Variants in C21orf58 observed in about 807,000 individuals in gnomAD.
C21orf58 encodes the protein uncharacterized protein C21orf58.
C21orf58 carries 34 observed loss-of-function variants against 35.8 expected under a neutral mutation model. The ratio of observed to expected loss-of-function variants is 0.95; its 90% CI spans 0.72 to 1.26. The LOEUF is 1.26. Ranked by LOEUF, C21orf58 falls within the 50% of genes most tolerant of loss-of-function variation. The pLI, the probability that C21orf58 is intolerant of heterozygous loss-of-function variation, is 0.00. For synonymous variants in C21orf58, 191 were observed against 175.8 expected (o/e 1.09, Z -0.68); for missense variants, 440 against 414.3 (o/e 1.06, Z -0.54).
rs1215745512 is a variant in C21orf58, at chr21:46,302,511, G to T, written c.787C>A (p.Leu263Ile). The change falls in exon 7 of 8, where the codon CTC (leucine) becomes ATC (isoleucine). Residue 263 changes from leucine (L) to isoleucine (I), a missense_variant. By Grantham distance (5) the Leu-to-Ile change is conservative. Transcript: ENST00000291691. ...TGCAGGGCTGGGGGCAGGGCCTTGA[G>T]CATCCAGTTCTGCAGGACCAACTGG... ...VHQLVLQNWM[L>I]KALPPALQDP... 9 of 1,612,086 alleles carry T rather than the reference G, an allele frequency of 5.6e-6. No homozygotes were observed. The South Asian group carries it at 9.9e-5, about 18-fold the overall frequency.
chr21:46,310,363 C>T (rs1343859438), intron 6 of C21orf58, among the ~76,000 whole-genome samples: 1 of 151,842 alleles, frequency 6.6e-6, no homozygotes, highest in Non-Finnish European at 1.5e-5. Context: ...CCAGTAATCC[C>T]AGCTACTCGA....
rs988119463 is a variant in C21orf58 at position 46,313,755 on chromosome 21, C to T, written c.609+961G>A. Reference sequence around the variant, plus strand: ...GGGTCTGGGGCAGGTCCTTCGGAGGCTCCCCTTCCCTCTGTACCCTCCACC... The same window carrying T: ...GGGTCTGGGGCAGGTCCTTCGGAGGTTCCCCTTCCCTCTGTACCCTCCACC... On this transcript the variant is annotated intron_variant, in intron 5 of 7. Transcript: ENST00000291691. Among the ~76,000 whole-genome samples, 3 of 152,186 alleles carry T rather than the reference C, an allele frequency of 2.0e-5. No homozygotes were observed. In the East Asian group the frequency reaches 5.8e-4, roughly 29 times the overall value.
intron 5 of C21orf58, among the ~76,000 whole-genome samples, chr21:46,313,591 G>A (rs1265080675): frequency 6.6e-6 from 1 of 152,220 alleles, no homozygotes; most frequent in African/African-American, 2.4e-5. Flanking sequence ...ATGTGTTTGG[G>A]ATGAGGAAGA....
chr21:46,321,154 G>A (rs139877350), intron 1 of C21orf58, among the ~76,000 whole-genome samples: 2,138 of 151,964 alleles, frequency 0.014, 49 homozygotes, highest in African/African-American at 0.048. Flanking sequence ...ACCTTAGTGT[G>A]CTACATATGT....
intron 6 of C21orf58, among the ~76,000 whole-genome samples, chr21:46,303,746 T>TATATATATATA (rs1491346235): frequency 2.6e-3 from 31 of 12,024 alleles, no homozygotes; most frequent in Admixed American, 6.6e-3. Context: ...TATATATATA[T>TATATATATATA]TTTTTTTTTT....
intron 1 of C21orf58, chr21:46,318,885 C>G (rs929180021): frequency 1.9e-5 from 19 of 983,412 alleles, no homozygotes; most frequent in Non-Finnish European, 2.3e-5. Flanking sequence ...GGGCATTAAA[C>G]TCCACGTTGA....
Position 46,302,117 on chromosome 21 carries a change from G to T in C21orf58, c.851C>A (p.Ala284Asp). 1 of 1,523,156 alleles carries T rather than the reference G, an allele frequency of 6.6e-7. No homozygotes were observed. 94.4% of individuals were successfully genotyped at this position (1,523,156 alleles called of 1,614,324 possible). The change falls in exon 8 of 8, where the codon GCC becomes GAC. Residue 284 changes from alanine to aspartate, a missense_variant. Physicochemically the swap from Ala to Asp is moderately radical, Grantham distance 126. Coordinates refer to ENST00000291691, the MANE Select transcript of C21orf58 (RefSeq NM_058180.5). ...GTGCACGGCAGGCAGCCTTGGCCTG[G>T]CAGCTCGTGGGACCCTCGGGGGCAC... ...PHVPPRVPRA[A>D]RPRLPAVHHH...
Position 46,318,120 on chromosome 21 carries a change from A to G in C21orf58, c.201T>C (p.Gly67=). The stretch of plus-strand genomic sequence containing the variant: ...GTAGGGGCAGGGGAGGCCACAGCCC[A>G]CCTCCCTCCCTGGTTCTGTTACTCG... The part of the protein sequence containing the change: ...FPASNRTREG[G]GLWPPLPLQS... Residue 67 remains glycine, a synonymous_variant, in exon 2 of 8, where the codon GGT becomes GGC. Transcript: ENST00000291691. The G allele has an allele frequency of 6.2e-7, 1 of 1,612,952 alleles. No homozygotes were observed. Among genetic ancestry groups the G allele is most frequent in the Non-Finnish European group, 8.5e-7 (1 of 1,179,958 alleles).
chr21:46,303,677 T>TACAC (rs142762284), intron 6 of C21orf58, among the ~76,000 whole-genome samples: 2 of 33,170 alleles, frequency 6.0e-5, no homozygotes, highest in African/African-American at 2.1e-4. Flanking sequence ...ACCTCATCTC[T>TACAC]ACACACACAC....
chr21:46,307,720 G>A (rs543119189), intron 6 of C21orf58, among the ~76,000 whole-genome samples: 1 of 152,280 alleles, frequency 6.6e-6, no homozygotes, highest in Non-Finnish European at 1.5e-5. Context: ...TCAGCACAGG[G>A]GTTGGGATAG....
At position 46,303,731 on chromosome 21, in the gene C21orf58, ATATATATATATATATTTTTTTTTT is replaced by A. The variant is rs1569116275; in HGVS notation, c.722-1179_722-1156del. Among the ~76,000 whole-genome samples the A allele has an allele frequency of 4.9e-4, 14 of 28,436 alleles. 1 individual carries two copies. Among genetic ancestry groups the A allele is most frequent in the Admixed American group, 1.3e-3 (3 of 2,262 alleles). The allele number at this position is 28,436 out of a possible 152,430, so 18.7% of individuals were successfully genotyped here. On this transcript the variant is annotated intron_variant, in intron 6 of 7. Transcript: ENST00000291691. ...AAAATATATATATATATATATATAT[ATATATATATATATATTTTTTTTTT>A]TTTTTTTTTTTTTGGAGACAGAGTC...
intron 6 of C21orf58, among the ~76,000 whole-genome samples, chr21:46,311,094 A>C (rs1013547041): frequency 1.3e-5 from 2 of 151,470 alleles, no homozygotes; most frequent in Non-Finnish European, 2.9e-5. Context: ...CTGGTCTCGA[A>C]CTCTTGACCT....
intron 3 of C21orf58, among the ~76,000 whole-genome samples, chr21:46,316,747 C>A (rs982745388): frequency 2.0e-5 from 3 of 152,234 alleles, no homozygotes; most frequent in Non-Finnish European, 4.4e-5. Flanking sequence ...CTGCCCTTGG[C>A]AGCTGAGCCC....
chr21:46,300,992 T>A (rs1294766168), downstream of C21orf58: 1 of 859,914 alleles, frequency 1.2e-6, no homozygotes, highest in East Asian at 6.5e-5. Flanking sequence ...GAGCCGCCCT[T>A]CCACTGCCCA....
chr21:46,319,949 C>A (rs959549719), intron 1 of C21orf58, among the ~76,000 whole-genome samples: 1 of 151,840 alleles, frequency 6.6e-6, no homozygotes, highest in East Asian at 1.9e-4. Context: ...AATAAAAGAA[C>A]CTGGCTCTTG....
At chr21:46,307,483 C>T (rs887183338) in intron 6 of C21orf58, among the ~76,000 whole-genome samples, 2 of 152,138 alleles carry the variant, frequency 1.3e-5, no homozygotes, top group Non-Finnish European at 2.9e-5. Flanking sequence ...TGCTTTTTAG[C>T]ACCTGACAGA....
Position 46,319,553 on chromosome 21 carries a change from A to G in C21orf58, c.101-1333T>C, listed in dbSNP as rs138531697. On this transcript the variant is annotated intron_variant, in intron 1 of 7. Transcript: ENST00000291691. ...CAAGGCAGAAGGATCACTTGAGTCCACGAGTTGGAGACCAGCCGGCACAAC... is the reference window on the plus strand; with the variant it reads ...CAAGGCAGAAGGATCACTTGAGTCCGCGAGTTGGAGACCAGCCGGCACAAC... Among the ~76,000 whole-genome samples, 1,175 of 152,302 alleles carry G rather than the reference A, an allele frequency of 7.7e-3. 15 individuals carry two copies. Among genetic ancestry groups the G allele is most frequent in the African/African-American group, 0.027 (1,120 of 41,574 alleles).
Position 46,302,435 on chromosome 21 carries a change from AC to A in C21orf58, c.813+49del, listed in dbSNP as rs769340468. 4 of 1,420,734 alleles carry A rather than the reference AC, an allele frequency of 2.8e-6. No individual in the cohort carries two copies. The South Asian group carries it at 4.9e-5, about 17-fold the overall frequency. The allele number at this position is 1,420,734 out of a possible 1,614,324, so 88.0% of individuals were successfully genotyped here. A position where few individuals can be genotyped will look rare whatever the true frequency, so the allele number is the denominator to read the frequency against. ...TGCAGAAATTTCCAGAAGAAAAACCACCCAGGCCCTGTTTCCTTGGCCTAGG... is the reference window on the plus strand; with the variant it reads ...TGCAGAAATTTCCAGAAGAAAAACCACCAGGCCCTGTTTCCTTGGCCTAGG... On this transcript the variant is annotated intron_variant, in intron 7 of 7. Transcript: ENST00000291691.
At chr21:46,311,690 TCCAACCAACCAA>T (rs1181867167) in intron 5 of C21orf58, 123 bp from the exon 6 acceptor site, 1 of 475,580 alleles carries the variant, frequency 2.1e-6, no homozygotes. Context: ...CACCCATCCA[TCCAACCAACCAA>T]CCAACCAACC....
Sources: gnomAD v4.1 joint callset for allele counts (sites outside exome capture counted in the v4.1 genomes callset) on GRCh38, gnomAD v4.1.1 for gene constraint, MANE v1.5 for transcripts, NCBI Gene and HGNC (gene_info 2026-07-23, HGNC 2026-07-21) for gene names.